The following TSC22D1 variants were observed in gnomAD, a reference collection of about 807,000 sequenced individuals.
The protein encoded by TSC22D1 is TSC22 domain family protein 1.
Under a neutral mutation model 74.2 loss-of-function variants are expected in TSC22D1, and 9 were observed. The observed-to-expected ratio is 0.12, with a 90% confidence interval of 0.07 to 0.21. The LOEUF is 0.21. Ranked by LOEUF, TSC22D1 falls within the 10% of genes least tolerant of loss-of-function variation. TSC22D1 has a pLI of 1.00. For synonymous variants in TSC22D1, 586 were observed against 492.5 expected, an observed-to-expected ratio of 1.19 and a Z score of -2.51; for missense variants, 1,427 against 1,304.7, an observed-to-expected ratio of 1.09 and a Z score of -1.44.
chr13:44,531,337 GA>G (rs1434164702), intron 1 of TSC22D1, among the ~76,000 whole-genome samples: 1 of 152,122 alleles, frequency 6.6e-6, no homozygotes, highest in East Asian at 1.9e-4. Flanking sequence ...GGTTCTATAT[GA>G]AATTCTGAGA....
At chr13:44,506,268 A>G in intron 1 of TSC22D1, among the ~76,000 whole-genome samples, 1 of 152,218 alleles carries the variant, frequency 6.6e-6, no homozygotes, top group East Asian at 1.9e-4. Flanking sequence ...TTGAGTAGGA[A>G]TTCTGGGAAA....
At chr13:44,435,589 C>G (rs1172469154) in intron 2 of TSC22D1, among the ~76,000 whole-genome samples, 1 of 152,152 alleles carries the variant, frequency 6.6e-6, no homozygotes, top group Non-Finnish European at 1.5e-5. Flanking sequence ...TGTGAAGGAG[C>G]CCGCGCCACC....
chr13:44,477,717 A>G (rs2137924094), intron 1 of TSC22D1, among the ~76,000 whole-genome samples: 1 of 145,276 alleles, frequency 6.9e-6, no homozygotes, highest in Middle Eastern at 3.9e-3. Context: ...ATCTCGGCTC[A>G]CTGCAACCTC....
intron 1 of TSC22D1, chr13:44,516,195 A>T (rs1349665458): frequency 1.8e-5 from 5 of 270,646 alleles, no homozygotes; most frequent in Non-Finnish European, 1.4e-5. Context: ...TTTAGCACCT[A>T]TGCTACTAAA....
rs1883943237 is a variant in TSC22D1 at position 44,573,652 on chromosome 13, G to A, written c.2423C>T (p.Pro808Leu). The stretch of plus-strand genomic sequence containing the variant: ...CTGTGAAACAATTCCTTGAGCTACT[G>A]GTTCTACTCCTTGTGGCTGGGGAGG... ...TVPPQPQGVEPVAQGIVSQQL... is the reference protein window; with the variant it reads ...TVPPQPQGVELVAQGIVSQQL... The change falls in exon 1 of 3, where the codon CCA (proline) becomes CTA (leucine). Residue 808 changes from proline (P) to leucine (L), a missense_variant. Transcript: ENST00000458659. The A allele has an allele frequency of 1.9e-6, 3 of 1,614,202 alleles. No individual in the cohort carries two copies. The highest frequency in any genetic ancestry group is 2.5e-6 in the Non-Finnish European group (3 of 1,180,034).
At chr13:44,515,501 A>C (rs1039195766) in intron 1 of TSC22D1, among the ~76,000 whole-genome samples, 4 of 151,828 alleles carry the variant, frequency 2.6e-5, no homozygotes, top group African/African-American at 9.7e-5. Context: ...GCAGTGGCAC[A>C]ATCTCGGTTC....
At chr13:44,488,168 A>G (rs928061061) in intron 1 of TSC22D1, among the ~76,000 whole-genome samples, 44 of 152,352 alleles carry the variant, frequency 2.9e-4, no homozygotes, top group South Asian at 2.1e-4. Flanking sequence ...CAAAATGAGT[A>G]ACAAGTACGT....
At chr13:44,538,596 G>T in intron 1 of TSC22D1, 1 of 985,332 alleles carries the variant, frequency 1.0e-6, no homozygotes, top group Non-Finnish European at 1.2e-6. Flanking sequence ...CTTCTGAATA[G>T]AAAGAAATAT....
At chr13:44,493,699 A>C (rs1878826496) in intron 1 of TSC22D1, among the ~76,000 whole-genome samples, 1 of 152,236 alleles carries the variant, frequency 6.6e-6, no homozygotes, top group Non-Finnish European at 1.5e-5. Flanking sequence ...GCAGGCTATG[A>C]GAGGACTGTA....
At chr13:44,447,146 C>G (rs1875744515) in intron 1 of TSC22D1, among the ~76,000 whole-genome samples, 1 of 143,108 alleles carries the variant, frequency 7.0e-6, no homozygotes, top group Non-Finnish European at 1.5e-5. Context: ...GATACCTATA[C>G]TTTTTTTTTT....
At chr13:44,489,185 T>C (rs1878585931) in intron 1 of TSC22D1, among the ~76,000 whole-genome samples, 1 of 144,758 alleles carries the variant, frequency 6.9e-6, no homozygotes, top group African/African-American at 2.5e-5. Flanking sequence ...AAATTACTTT[T>C]GAGCCTTACC....
intron 1 of TSC22D1, among the ~76,000 whole-genome samples, chr13:44,468,361 C>G (rs1877414348): frequency 6.7e-6 from 1 of 150,266 alleles, no homozygotes; most frequent in South Asian, 2.1e-4. Context: ...CACTTGTACC[C>G]CTAAAGCTAT....
intron 1 of TSC22D1, among the ~76,000 whole-genome samples, chr13:44,562,495 T>C (rs1010113341): frequency 3.9e-5 from 6 of 152,294 alleles, no homozygotes; most frequent in African/African-American, 1.4e-4. Flanking sequence ...AATGCTCACA[T>C]TTAGTATCAA....
intron 1 of TSC22D1, among the ~76,000 whole-genome samples, chr13:44,495,029 T>C (rs1878902216): frequency 6.6e-6 from 1 of 151,742 alleles, no homozygotes; most frequent in African/African-American, 2.4e-5. Context: ...AAAGAAACAG[T>C]GAAACTGAAA....
At chr13:44,526,381 GA>G (rs1166964611) in intron 1 of TSC22D1, among the ~76,000 whole-genome samples, 1 of 149,802 alleles carries the variant, frequency 6.7e-6, no homozygotes, top group African/African-American at 2.5e-5. Context: ...AACAGCAACA[GA>G]AAAAAAGAAT....
intron 1 of TSC22D1, among the ~76,000 whole-genome samples, chr13:44,517,460 A>C (rs1566149368): frequency 6.6e-6 from 1 of 152,106 alleles, no homozygotes; most frequent in Non-Finnish European, 1.5e-5. Context: ...ACAATTGGCA[A>C]GACATATCAA....
At chr13:44,525,405 G>A (rs73190808) in intron 1 of TSC22D1, among the ~76,000 whole-genome samples, 13,151 of 152,102 alleles carry the variant, frequency 0.086, 744 homozygotes, top group Non-Finnish European at 0.12. Context: ...TAGCAACACA[G>A]TGAGCCCCCA....
intron 1 of TSC22D1, among the ~76,000 whole-genome samples, chr13:44,478,967 T>C (rs1184366247): frequency 6.6e-6 from 1 of 152,108 alleles, no homozygotes; most frequent in Non-Finnish European, 1.5e-5. Flanking sequence ...GTGTAGCTTT[T>C]CAGTCAGGCT....
At position 44,454,140 on chromosome 13, in the gene TSC22D1, A is replaced by C. The variant is rs1404490675; in HGVS notation, c.2913-18045T>G. Among the ~76,000 whole-genome samples, 4 of 152,184 alleles carry C rather than the reference A, an allele frequency of 2.6e-5. No homozygotes were observed. In the East Asian group the frequency reaches 7.7e-4, roughly 29 times the overall value. On this transcript the variant is annotated intron_variant, in intron 1 of 2. Coordinates refer to ENST00000458659, the MANE Select transcript of TSC22D1 (RefSeq NM_183422.4). ...ACATAAAACTGAATACCTCAAATACATATTGCTAGTAAAAACAGAGTTAAT... is the reference window on the plus strand; with the variant it reads ...ACATAAAACTGAATACCTCAAATACCTATTGCTAGTAAAAACAGAGTTAAT...
Sources: gnomAD v4.1 joint callset for allele counts (sites outside exome capture counted in the v4.1 genomes callset) on GRCh38, gnomAD v4.1.1 for gene constraint, MANE v1.5 for transcripts, NCBI Gene and HGNC (gene_info 2026-07-23, HGNC 2026-07-21) for gene names.